Variants in PCDH15 observed in about 807,000 individuals in gnomAD.
PCDH15 encodes protocadherin related 15.
PCDH15 carries 129 observed loss-of-function variants against 178.5 expected under a neutral mutation model. The ratio of observed to expected loss-of-function variants is 0.72; its 90% confidence interval spans 0.63 to 0.84. The LOEUF (loss-of-function observed/expected upper bound fraction) is 0.84, where lower values mean the gene tolerates loss of function less well. PCDH15 is among the 40% of genes least tolerant of loss of function. The probability of loss-of-function intolerance (pLI) is 0.00; values close to 1 mark genes in which losing one functional copy is unlikely to be tolerated. For missense variants in PCDH15, 2,230 were observed against 2,099.9 expected (o/e 1.06, Z -1.21); for synonymous variants, 800 against 732.0 (o/e 1.09, Z -1.50).
chr10:54,189,320 C>CA, intron 11 of PCDH15: 1 of 1,523,306 alleles, frequency 6.6e-7, no homozygotes, highest in East Asian at 2.4e-5. Context: ...TAAACCACAG[C>CA]AATTAACAAA....
At chr10:55,594,965 C>A (rs1842910543) in intron 2 of PCDH15, among the ~76,000 whole-genome samples, 1 of 152,010 alleles carries the variant, frequency 6.6e-6, no homozygotes, top group South Asian at 2.1e-4. Flanking sequence ...ATTTCTAGAT[C>A]TGTTGGGAAC....
chr10:54,810,851 A>G (rs1031935681), intron 3 of PCDH15, among the ~76,000 whole-genome samples: 2 of 152,274 alleles, frequency 1.3e-5, no homozygotes, highest in East Asian at 1.9e-4. Flanking sequence ...TTTTGAGAAA[A>G]TAGGTTTGAT....
chr10:54,925,983 T>G (rs910162676), intron 2 of PCDH15, among the ~76,000 whole-genome samples: 2 of 152,130 alleles, frequency 1.3e-5, no homozygotes, highest in African/African-American at 4.8e-5. Flanking sequence ...TCCAATACTG[T>G]GTGTAATAGG....
intron 2 of PCDH15, among the ~76,000 whole-genome samples, chr10:54,939,578 T>TCTTC (rs1838007641): frequency 6.7e-6 from 1 of 150,214 alleles, no homozygotes; most frequent in South Asian, 2.1e-4. Flanking sequence ...TTAAAATCTT[T>TCTTC]TTGCATTTCT....
rs189685859 is a variant in PCDH15 at position 54,377,195 on chromosome 10, T to C, written c.318+1587A>G. Among the ~76,000 whole-genome samples the C allele has an allele frequency of 3.0e-4, 46 of 152,220 alleles. No homozygotes were observed. In the East Asian group the frequency reaches 8.7e-3, roughly 29 times the overall value. On this transcript the variant is annotated intron_variant, in intron 4 of 37. Transcript: ENST00000644397. ...GAAATAAAATGTGGCAGAATAAACA[T>C]TAAATGTTATTTTCCCTAACTGATA... is the stretch of plus-strand genomic sequence containing the variant.
At chr10:53,897,768 G>A (rs1444208340) in intron 26 of PCDH15, among the ~76,000 whole-genome samples, 1 of 152,036 alleles carries the variant, frequency 6.6e-6, no homozygotes, top group Non-Finnish European at 1.5e-5. Context: ...GCCTACTCTA[G>A]GTAAGTAGAG....
chr10:54,220,845 T>TA (rs1459551791), intron 9 of PCDH15, among the ~76,000 whole-genome samples: 2 of 149,174 alleles, frequency 1.3e-5, no homozygotes, highest in African/African-American at 5.0e-5. Context: ...AATAAATAAA[T>TA]AAATAAATAA....
chr10:54,047,695 G>T (rs2093684007), intron 18 of PCDH15, among the ~76,000 whole-genome samples: 1 of 151,926 alleles, frequency 6.6e-6, no homozygotes, highest in African/African-American at 2.4e-5. Flanking sequence ...CTGCATTAAT[G>T]TACTTAAAAT....
At chr10:54,141,033 CAAATAT>C (rs1438647420) in intron 14 of PCDH15, among the ~76,000 whole-genome samples, 1 of 151,592 alleles carries the variant, frequency 6.6e-6, no homozygotes, top group Non-Finnish European at 1.5e-5. Flanking sequence ...CTTAAATATA[CAAATAT>C]ATACACATAC....
At chr10:55,185,926 T>C (rs1445376435) in intron 1 of PCDH15, among the ~76,000 whole-genome samples, 1 of 151,718 alleles carries the variant, frequency 6.6e-6, no homozygotes, top group African/African-American at 2.4e-5. Flanking sequence ...AAAATAGAAA[T>C]AGTTACGCAT....
chr10:54,637,966 C>A (rs2093901079), intron 2 of PCDH15, among the ~76,000 whole-genome samples: 1 of 152,062 alleles, frequency 6.6e-6, no homozygotes, highest in Non-Finnish European at 1.5e-5. Context: ...ATCTACTTGA[C>A]TAATTAGTAC....
In PCDH15 at chr10:54,532,539, G is replaced by A. The variant is rs143556311; in HGVS notation, c.92-4662C>T. On this transcript the variant is annotated intron_variant, in intron 2 of 37. Transcript: ENST00000644397. ...CCTTGTTTCTATTCCTCACGGTTGT[G>A]TCCACAGGGCAGATTTTCCTGGCAC... 3.5e-4 allele frequency among the ~76,000 whole-genome samples: 54 copies of A among 152,186 alleles called. No homozygotes were observed. The Middle Eastern group carries it at 0.01, about 29-fold the overall frequency.
At chr10:55,142,734 G>C (rs1259503206) in intron 2 of PCDH15, among the ~76,000 whole-genome samples, 2 of 151,166 alleles carry the variant, frequency 1.3e-5, no homozygotes, top group Non-Finnish European at 2.9e-5. Context: ...TAAAACTCAG[G>C]TTCAGCAAAC....
intron 3 of PCDH15, among the ~76,000 whole-genome samples, chr10:54,494,757 T>C (rs748535064): frequency 2.0e-5 from 3 of 152,134 alleles, no homozygotes; most frequent in African/African-American, 7.2e-5. Context: ...TTCTTTTGAA[T>C]AGGGTCTCTC....
intron 13 of PCDH15, among the ~76,000 whole-genome samples, chr10:54,162,098 T>C (rs2045771611): frequency 6.6e-6 from 1 of 152,142 alleles, no homozygotes; most frequent in Admixed American, 6.6e-5. Flanking sequence ...TTTTTAATGA[T>C]ATTTATCCAT....
At chr10:54,013,264 G>T (rs1225309740) in intron 20 of PCDH15, among the ~76,000 whole-genome samples, 2 of 152,138 alleles carry the variant, frequency 1.3e-5, no homozygotes, top group Admixed American at 6.5e-5. Context: ...CATAAAGCAA[G>T]TTCTTACAGA....
At chr10:54,321,223 C>T (rs1422080868) in intron 7 of PCDH15, among the ~76,000 whole-genome samples, 1 of 149,178 alleles carries the variant, frequency 6.7e-6, no homozygotes, top group Non-Finnish European at 1.5e-5. Context: ...AAATGAGAAT[C>T]TCACTACATT....
At chr10:54,679,082 T>A (rs971852502) in intron 1 of PCDH15, among the ~76,000 whole-genome samples, 1 of 147,098 alleles carries the variant, frequency 6.8e-6, no homozygotes. Flanking sequence ...CCCAGCTACT[T>A]GGGAGGCTGA....
chr10:55,054,010 C>T (rs560141659), intron 2 of PCDH15, among the ~76,000 whole-genome samples: 24 of 152,230 alleles, frequency 1.6e-4, no homozygotes, highest in South Asian at 1.4e-3. Flanking sequence ...GTCAAAGCTA[C>T]ATGTGCAGGT....
Sources: allele counts gnomAD v4.1 joint callset (sites outside exome capture counted in the v4.1 genomes callset), GRCh38; gene constraint gnomAD v4.1.1; transcripts MANE v1.5; gene names NCBI Gene and HGNC (gene_info 2026-07-23, HGNC 2026-07-21).